CRTC1: variants seen among roughly 807,000 people sequenced by gnomAD.
CRTC1 encodes the protein CREB-regulated transcription coactivator 1.
In CRTC1, 18 loss-of-function variants were observed where a neutral mutation model predicts 66.1. The ratio of observed to expected loss-of-function variants is 0.27; its 90% CI spans 0.19 to 0.40. The LOEUF (loss-of-function observed/expected upper bound fraction) is 0.40. Among genes scored for constraint, CRTC1 ranks in the 10% least tolerant of loss-of-function variants. CRTC1 has a pLI of 1.00. For synonymous variants in CRTC1, 416 were observed against 398.8 expected (o/e 1.04, Z -0.51); for missense variants, 669 against 887.9 (o/e 0.75, Z 3.13).
rs202034475 is a variant in CRTC1 at position 18,768,709 on chromosome 19, G to T, written c.1236G>T (p.Pro412=). Residue 412 remains proline (P), a synonymous_variant, in exon 10 of 14, where the codon CCG becomes CCT. Transcript: ENST00000321949. The surrounding 1 kb of genome is among the most constrained non-coding windows in gnomAD (Gnocchi z 5.6). ...ASLTRGPQPP[P]LAVTVPSSLP... is the part of the protein sequence containing the mutation. The stretch of plus-strand genomic sequence containing the variant: ...TGACTCGTGGGCCACAGCCGCCCCC[G>T]CTTGCAGTCACGGTACCGTCCTCTC... 5 of 1,534,232 alleles carry T rather than the reference G, an allele frequency of 3.3e-6. No homozygotes were observed. Among genetic ancestry groups the T allele is most frequent in the Admixed American group, 1.8e-5 (1 of 56,150 alleles).
At chr19:18,759,964 C>CCA in intron 7 of CRTC1, 44 bp from the exon 8 acceptor site, 13 of 1,480,606 alleles carry the variant, frequency 8.8e-6, no homozygotes, top group African/African-American at 2.8e-5. Context: ...CCGCCAGCCC[C>CCA]GCCCCATGAG....
intron 1 of CRTC1, among the ~76,000 whole-genome samples, chr19:18,730,959 C>CTCCCTCCT (rs55766461): frequency 7.9e-5 from 12 of 151,448 alleles, no homozygotes; most frequent in African/African-American, 2.2e-4. Context: ...CCTTCCCTCC[C>CTCCCTCCT]TCCCTCCTTC....
chr19:18,754,277 G>A (rs892137750), intron 6 of CRTC1, among the ~76,000 whole-genome samples: 7 of 152,094 alleles, frequency 4.6e-5, no homozygotes, highest in African/African-American at 1.7e-4. Flanking sequence ...CAGCACTTTC[G>A]GAGGAGGCTG....
chr19:18,743,422 G>A (rs1448392084), intron 2 of CRTC1, among the ~76,000 whole-genome samples: 1 of 152,234 alleles, frequency 6.6e-6, no homozygotes, highest in South Asian at 2.1e-4. Context: ...AACGTTTCTT[G>A]GCAGAGGCCC....
chr19:18,719,987 G>A (rs1373324614), intron 1 of CRTC1, among the ~76,000 whole-genome samples: 3 of 152,232 alleles, frequency 2.0e-5, no homozygotes, highest in African/African-American at 7.2e-5. Context: ...CCTGTTTCAA[G>A]TGGCCAGCAT....
rs562340934 is a variant in CRTC1, at chr19:18,705,442, C to G, written c.126+21614C>G. ...TTCAAGCGGTTCTGCCTCAGCCTCC[C>G]GAGTAGCTGGAATTACAGGCGCATG... On this transcript the variant is annotated intron_variant, in intron 1 of 13. Coordinates refer to ENST00000321949, the MANE Select transcript of CRTC1 (RefSeq NM_015321.3). Among the ~76,000 whole-genome samples the G allele has an allele frequency of 1.8e-4, 28 of 152,256 alleles. No homozygotes were observed. In the South Asian group the frequency reaches 2.5e-3, roughly 14 times the overall value.
intron 1 of CRTC1, among the ~76,000 whole-genome samples, chr19:18,723,315 G>A (rs1029971941): frequency 1.3e-5 from 2 of 152,144 alleles, no homozygotes; most frequent in African/African-American, 2.4e-5. Context: ...TTTGTCTTTC[G>A]GATGTTGTTA....
rs772789860 is a variant in CRTC1, at chr19:18,775,833, C to A, written c.1693+12C>A. On this transcript the variant is annotated intron_variant, in intron 13 of 13. Coordinates refer to ENST00000321949, the MANE Select transcript of CRTC1 (RefSeq NM_015321.3). ...CATCATCCTCACAGGTGAGGCCAGGCCGGGGGCGCGTGTGCGGCGCCCCAA... is the reference window on the plus strand; with the variant it reads ...CATCATCCTCACAGGTGAGGCCAGGACGGGGGCGCGTGTGCGGCGCCCCAA... 1.1e-5 allele frequency: 17 copies of A among 1,566,492 alleles called. No homozygotes were observed. The highest frequency in any genetic ancestry group is 1.4e-5 in the Non-Finnish European group (16 of 1,158,446).
chr19:18,749,267 C>T (rs2054312131), intron 4 of CRTC1, among the ~76,000 whole-genome samples: 1 of 152,156 alleles, frequency 6.6e-6, no homozygotes, highest in South Asian at 2.1e-4. Context: ...TCTCCTAGCC[C>T]ATTCCACCTG....
chr19:18,759,522 G>A lies in CRTC1; in HGVS notation c.625-29G>A, dbSNP rs1244561523. On this transcript the variant is annotated intron_variant, in intron 6 of 13. Coordinates refer to ENST00000321949, the MANE Select transcript of CRTC1 (RefSeq NM_015321.3). ...GAGGGCCCCACAGGGTGTGCCCCAG[G>A]GCTCAGGCTCTCCTGTCTTCTCTTT... 7 of 1,609,582 alleles carry A rather than the reference G, an allele frequency of 4.3e-6. No individual in the cohort carries two copies. The South Asian group carries it at 6.6e-5, about 15-fold the overall frequency.
chr19:18,739,315 C>T (rs779442816), intron 1 of CRTC1, among the ~76,000 whole-genome samples: 4 of 152,206 alleles, frequency 2.6e-5, no homozygotes, highest in Non-Finnish European at 5.9e-5. Flanking sequence ...CAGAGCTAGC[C>T]GCTGGCTCCA....
chr19:18,729,200 C>T (rs190552551), intron 1 of CRTC1, among the ~76,000 whole-genome samples: 250 of 147,270 alleles, frequency 1.7e-3, no homozygotes, highest in African/African-American at 5.5e-3. Flanking sequence ...CCGAGGTGGG[C>T]GGATCACGAG....
chr19:18,764,212 G>A (rs1010887177), intron 8 of CRTC1, among the ~76,000 whole-genome samples: 5 of 152,222 alleles, frequency 3.3e-5, no homozygotes, highest in Admixed American at 6.5e-5. Flanking sequence ...CTCATCTGCC[G>A]GAACAAGGTT....
chr19:18,747,387 A>G (rs892815932), intron 4 of CRTC1, among the ~76,000 whole-genome samples: 2 of 152,064 alleles, frequency 1.3e-5, no homozygotes, highest in African/African-American at 2.4e-5. Context: ...CTGTAATCTC[A>G]GCACTTTGGG....
At chr19:18,734,633 G>A (rs535809866) in intron 1 of CRTC1, among the ~76,000 whole-genome samples, 6 of 152,230 alleles carry the variant, frequency 3.9e-5, no homozygotes, top group South Asian at 4.1e-4. Context: ...AGCCCTGATC[G>A]TGCCGCTGTA....
chr19:18,710,131 A>G (rs2053357004), intron 1 of CRTC1, among the ~76,000 whole-genome samples: 1 of 148,842 alleles, frequency 6.7e-6, no homozygotes. Flanking sequence ...TGCTCTTCCC[A>G]GCTCCAGCGT....
chr19:18,701,973 G>T (rs1196159377), intron 1 of CRTC1, among the ~76,000 whole-genome samples: 1 of 147,758 alleles, frequency 6.8e-6, no homozygotes, highest in African/African-American at 2.5e-5. Flanking sequence ...GCCCAGGCTG[G>T]AATACAGTGG....
intron 8 of CRTC1, among the ~76,000 whole-genome samples, chr19:18,763,795 C>T (rs111679491): frequency 6.6e-6 from 1 of 152,230 alleles, no homozygotes; most frequent in Non-Finnish European, 1.5e-5. Context: ...ACGTTTGCCC[C>T]TACTTTGTAC....
At chr19:18,693,133 G>A (rs1021868427) in intron 1 of CRTC1, among the ~76,000 whole-genome samples, 3 of 146,808 alleles carry the variant, frequency 2.0e-5, no homozygotes, top group Non-Finnish European at 3.0e-5. Flanking sequence ...GCTCACACCT[G>A]TAATCCTAGT....
Sources: gnomAD v4.1 joint callset for allele counts (sites outside exome capture counted in the v4.1 genomes callset) on GRCh38, gnomAD v4.1.1 for gene constraint, Gnocchi (gnomAD v3.1) non-coding constraint, MANE v1.5 for transcripts, NCBI Gene and HGNC (gene_info 2026-07-23, HGNC 2026-07-21) for gene names.